CDH12: variants seen among roughly 807,000 people sequenced by gnomAD.
CDH12 encodes cadherin 12, also known as cadherin-12.
Under a neutral mutation model 74.1 loss-of-function variants are expected in CDH12, and 41 were observed. That is an observed-to-expected ratio of 0.55 (90% CI 0.43 to 0.72). CDH12 has a LOEUF of 0.72. Ranked by LOEUF, CDH12 falls within the 30% of genes least tolerant of loss-of-function variation. The pLI, the probability that CDH12 is intolerant of heterozygous loss-of-function variation, is 0.00. For missense variants in CDH12, 945 were observed against 977.2 expected (o/e 0.97, Z 0.44); for synonymous variants, 399 against 355.0 (o/e 1.12, Z -1.39).
intron 4 of CDH12, among the ~76,000 whole-genome samples, chr5:22,196,540 C>T (rs1750629825): frequency 6.6e-6 from 1 of 152,154 alleles, no homozygotes; most frequent in African/African-American, 2.4e-5. Flanking sequence ...AAACAAGCCA[C>T]ATATACAGTG....
chr5:22,393,236 A>G (rs765829872), intron 3 of CDH12, among the ~76,000 whole-genome samples: 7 of 152,172 alleles, frequency 4.6e-5, no homozygotes, highest in Non-Finnish European at 8.8e-5. Context: ...CAAAGGAGAA[A>G]AGGAGACAAT....
intron 3 of CDH12, among the ~76,000 whole-genome samples, chr5:22,392,681 T>A (rs1742294495): frequency 6.6e-6 from 1 of 152,132 alleles, no homozygotes; most frequent in South Asian, 2.1e-4. Context: ...ATGTGAAAAT[T>A]GTTTAAAGCA....
chr5:22,587,140 A>G (rs11740599), intron 1 of CDH12, among the ~76,000 whole-genome samples: 9,124 of 152,046 alleles, frequency 0.06, 411 homozygotes, highest in East Asian at 0.24. Context: ...ACAGCCTAGA[A>G]GTGGACTTTT....
chr5:22,207,604 C>A (rs1041746081), intron 4 of CDH12, among the ~76,000 whole-genome samples: 5 of 152,104 alleles, frequency 3.3e-5, no homozygotes, highest in Non-Finnish European at 7.4e-5. Context: ...TTTCAATGTA[C>A]GTAAGAAAGA....
At chr5:22,360,143 C>T (rs1052471778) in intron 3 of CDH12, among the ~76,000 whole-genome samples, 1 of 152,090 alleles carries the variant, frequency 6.6e-6, no homozygotes, top group Non-Finnish European at 1.5e-5. Context: ...AATCCAGGAG[C>T]TGGTTTTTTG....
At chr5:21,922,000 C>T (rs1477748083) in intron 6 of CDH12, among the ~76,000 whole-genome samples, 3 of 152,126 alleles carry the variant, frequency 2.0e-5, no homozygotes, top group Non-Finnish European at 4.4e-5. Context: ...ACCTGCTTGA[C>T]TGGTTATAGT....
intron 6 of CDH12, among the ~76,000 whole-genome samples, chr5:21,942,610 G>A (rs1755390477): frequency 4.0e-5 from 6 of 151,858 alleles, no homozygotes; most frequent in Admixed American, 3.9e-4. Flanking sequence ...ATATACACAT[G>A]CAGAAATGTA....
chr5:22,248,274 G>A (rs1368653481), intron 3 of CDH12, among the ~76,000 whole-genome samples: 2 of 151,966 alleles, frequency 1.3e-5, no homozygotes, highest in Non-Finnish European at 2.9e-5. Flanking sequence ...GCTATAGCCT[G>A]GATGACAAGA....
At chr5:22,776,971 A>G (rs1047151246) in intron 1 of CDH12, among the ~76,000 whole-genome samples, 1 of 152,154 alleles carries the variant, frequency 6.6e-6, no homozygotes, top group Non-Finnish European at 1.5e-5. Flanking sequence ...TACACCAAGT[A>G]AAAATGTTGA....
chr5:22,728,615 A>G (rs1744279170), intron 1 of CDH12, among the ~76,000 whole-genome samples: 1 of 151,898 alleles, frequency 6.6e-6, no homozygotes, highest in African/African-American at 2.4e-5. Flanking sequence ...ACATTATTTG[A>G]GAACTGCAGG....
Position 22,052,961 on chromosome 5 carries a change from C to A in CDH12, c.231+25485G>T, listed in dbSNP as rs1740480520. ...GTAACAAGAATATTTTGCACTTAAA[C>A]TACATTTTAAAAGAGATGCTTAAAG... is the stretch of plus-strand genomic sequence containing the variant. On this transcript the variant is annotated intron_variant, in intron 5 of 14. Coordinates refer to ENST00000382254, the MANE Select transcript of CDH12 (RefSeq NM_004061.5). 1.2e-4 allele frequency among the ~76,000 whole-genome samples: 18 copies of A among 152,070 alleles called. 3 individuals are homozygous for A. The South Asian group carries it at 3.7e-3, about 31-fold the overall frequency.
chr5:21,791,187 T>C (rs1363590706), intron 10 of CDH12, among the ~76,000 whole-genome samples: 1 of 152,082 alleles, frequency 6.6e-6, no homozygotes, highest in Admixed American at 6.6e-5. Context: ...GCTCTGTCTA[T>C]ATGTGACTGA....
At chr5:21,906,649 C>T (rs1753654414) in intron 6 of CDH12, among the ~76,000 whole-genome samples, 2 of 151,982 alleles carry the variant, frequency 1.3e-5, no homozygotes, top group African/African-American at 2.4e-5. Context: ...TAAAAAAATC[C>T]GAATTTAGGC....
chr5:22,033,205 G>T (rs1738945695), intron 5 of CDH12, among the ~76,000 whole-genome samples: 1 of 152,140 alleles, frequency 6.6e-6, no homozygotes, highest in African/African-American at 2.4e-5. Flanking sequence ...AAATGGAGCT[G>T]TAATTTATTG....
At chr5:22,803,577 T>G (rs929592452) in intron 1 of CDH12, among the ~76,000 whole-genome samples, 1 of 152,210 alleles carries the variant, frequency 6.6e-6, no homozygotes, top group South Asian at 2.1e-4. Context: ...TTTTGCTTCT[T>G]CCTGACATCT....
At chr5:21,960,852 A>G (rs1756327681) in intron 6 of CDH12, among the ~76,000 whole-genome samples, 1 of 151,996 alleles carries the variant, frequency 6.6e-6, no homozygotes, top group South Asian at 2.1e-4. Context: ...AGTTTTCACA[A>G]ATGTACATAT....
intron 1 of CDH12, among the ~76,000 whole-genome samples, chr5:22,802,447 GTT>G (rs765909285): frequency 6.6e-6 from 1 of 152,058 alleles, no homozygotes; most frequent in Non-Finnish European, 1.5e-5. Context: ...ATTTCTAAGA[GTT>G]AGTAATTGTT....
intron 6 of CDH12, among the ~76,000 whole-genome samples, chr5:21,920,686 A>ATAATAATAATAATAATAATAATAC (rs1421552503): frequency 5.3e-5 from 8 of 150,088 alleles, no homozygotes; most frequent in African/African-American, 1.9e-4. Context: ...AATAATAATA[A>ATAATAATAATAATAATAATAATAC]TAATCTTCAA....
chr5:21,959,324 C>G (rs1161264704), intron 6 of CDH12, among the ~76,000 whole-genome samples: 1 of 151,702 alleles, frequency 6.6e-6, no homozygotes, highest in African/African-American at 2.4e-5. Context: ...CTGGGATTTC[C>G]TATGTTGAAT....
Sources: allele counts gnomAD v4.1 joint callset (sites outside exome capture counted in the v4.1 genomes callset), GRCh38; gene constraint gnomAD v4.1.1; transcripts MANE v1.5; gene names NCBI Gene and HGNC (gene_info 2026-07-23, HGNC 2026-07-21).